The following COPG2 variants were observed in gnomAD, a reference collection of about 807,000 sequenced individuals.
COPG2 encodes coatomer subunit gamma-2.
COPG2 carries 37 observed loss-of-function variants against 46.3 expected under a neutral mutation model. The ratio of observed to expected loss-of-function variants is 0.80; its 90% CI spans 0.61 to 1.05. The LOEUF (loss-of-function observed/expected upper bound fraction) is 1.05, where lower values mean the gene tolerates loss of function less well. COPG2 is among the 50% of genes least tolerant of loss of function. COPG2 has a pLI of 0.00. For missense variants in COPG2, 427 were observed against 387.8 expected (o/e 1.10, Z -0.85); for synonymous variants, 159 against 129.7 (o/e 1.23, Z -1.53).
intron 5 of COPG2, among the ~76,000 whole-genome samples, chr7:130,630,416 G>A (rs550334741): frequency 6.6e-6 from 1 of 152,230 alleles, no homozygotes; most frequent in Admixed American, 6.5e-5. Context: ...CTGCAAATTT[G>A]CTAAGCTCAC....
At position 130,610,969 on chromosome 7, in the gene COPG2, T is replaced by C. The variant is rs1794836463; in HGVS notation, c.721A>G (p.Lys241Glu). 6.2e-7 allele frequency: 1 copy of C among 1,613,960 alleles called. No homozygotes were observed. The highest frequency in any genetic ancestry group is 1.3e-5 in the African/African-American group (1 of 75,052). The change falls in exon 9 of 24, where the codon AAA becomes GAA. Residue 241 changes from lysine to glutamate, a missense_variant. By Grantham distance (56) the Lys-to-Glu change is moderately conservative. Coordinates refer to ENST00000425248, the MANE Select transcript of COPG2 (RefSeq NM_012133.6). ...GACACTTACCCATCCTCAGTTTCTTTTAGTAAGCGACTGGCAATTCGGATC... is the reference window on the plus strand; with the variant it reads ...GACACTTACCCATCCTCAGTTTCTTCTAGTAAGCGACTGGCAATTCGGATC... The part of the protein sequence containing the change: ...MLIRIASRLL[K>E]ETEDGHESPL...
chr7:130,536,919 G>T (rs1355276698), intron 20 of COPG2, among the ~76,000 whole-genome samples: 1 of 151,990 alleles, frequency 6.6e-6, no homozygotes, highest in East Asian at 1.9e-4. Context: ...GGGGAGGGAA[G>T]GTGCAAAGGG....
chr7:130,506,909 T>A (rs1799503587), intron 23 of COPG2, 103 bp from the exon 24 acceptor site: 1 of 628,930 alleles, frequency 1.6e-6, no homozygotes, highest in African/African-American at 1.9e-5. Context: ...TTAGTTTAGT[T>A]TAGCTTTTCC....
intron 4 of COPG2, among the ~76,000 whole-genome samples, chr7:130,655,632 T>C (rs1795834707): frequency 6.6e-6 from 1 of 151,816 alleles, no homozygotes; most frequent in South Asian, 2.1e-4. Flanking sequence ...GCTTCATAAA[T>C]TCGAGCTTTC....
intron 5 of COPG2, among the ~76,000 whole-genome samples, chr7:130,622,836 C>T (rs1270071370): frequency 3.3e-5 from 5 of 152,146 alleles, no homozygotes; most frequent in Admixed American, 3.3e-4. Context: ...CTACCCCTAC[C>T]ACCACTGTCA....
At chr7:130,508,420 C>T in intron 21 of COPG2, 142 bp downstream of exon 21, 1 of 605,352 alleles carries the variant, frequency 1.7e-6, no homozygotes. Flanking sequence ...TAGTCCAGGT[C>T]CTCCTAATTT....
chr7:130,539,631 A>G (rs937865046), intron 20 of COPG2, among the ~76,000 whole-genome samples: 19 of 152,306 alleles, frequency 1.2e-4, no homozygotes, highest in African/African-American at 4.6e-4. Flanking sequence ...CCAAGGAAGC[A>G]AAGAGAAGAA....
chr7:130,637,795 A>C (rs782506422), intron 5 of COPG2, among the ~76,000 whole-genome samples: 1 of 152,178 alleles, frequency 6.6e-6, no homozygotes, highest in Non-Finnish European at 1.5e-5. Flanking sequence ...CCTTTGGAGA[A>C]GAGGCATTCT....
At chr7:130,518,720 T>G (rs1157875677) in intron 20 of COPG2, among the ~76,000 whole-genome samples, 1 of 151,972 alleles carries the variant, frequency 6.6e-6, no homozygotes, top group Non-Finnish European at 1.5e-5. Flanking sequence ...AAAGAGTGAG[T>G]AGGCTGGGCA....
chr7:130,559,637 G>A (rs1185992919), intron 12 of COPG2, among the ~76,000 whole-genome samples: 3 of 152,084 alleles, frequency 2.0e-5, no homozygotes, highest in Non-Finnish European at 4.4e-5. Context: ...CTGCTCAAGA[G>A]GTCATACGAA....
chr7:130,509,322 T>A (rs782472157), intron 20 of COPG2: 5 of 507,696 alleles, frequency 9.8e-6, no homozygotes, highest in Non-Finnish European at 1.6e-5. Context: ...GGGTACATTT[T>A]TGGAAAGTGA....
At chr7:130,523,471 A>G (rs1799744534) in intron 20 of COPG2, among the ~76,000 whole-genome samples, 1 of 152,196 alleles carries the variant, frequency 6.6e-6, no homozygotes, top group Non-Finnish European at 1.5e-5. Flanking sequence ...GGGAGGATGG[A>G]GAGCCGGGCA....
chr7:130,642,989 G>T (rs1275712289), intron 5 of COPG2, among the ~76,000 whole-genome samples: 5 of 151,872 alleles, frequency 3.3e-5, no homozygotes, highest in African/African-American at 1.2e-4. Flanking sequence ...CTGTGTGACA[G>T]AACAAGACTC....
intron 9 of COPG2, among the ~76,000 whole-genome samples, chr7:130,578,631 A>C (rs1794063930): frequency 6.6e-6 from 1 of 152,132 alleles, no homozygotes; most frequent in African/African-American, 2.4e-5. Context: ...AACTAGAATA[A>C]CCAATACAGA....
At chr7:130,647,624 G>A (rs2116223829) in intron 5 of COPG2, among the ~76,000 whole-genome samples, 1 of 151,726 alleles carries the variant, frequency 6.6e-6, no homozygotes, top group African/African-American at 2.4e-5. Flanking sequence ...GTGTATGGGA[G>A]TTTCAATTGT....
At chr7:130,621,943 C>CAAAAAA (rs562107230) in intron 5 of COPG2, among the ~76,000 whole-genome samples, 3 of 67,512 alleles carry the variant, frequency 4.4e-5, no homozygotes, top group Admixed American at 1.7e-4. Context: ...GACTCCATCT[C>CAAAAAA]AAAAAAAAAA....
rs1793467005 is a variant in COPG2, at chr7:130,547,656, CCTTCT to C, written c.2149+13_2149+17del. The C allele has an allele frequency of 2.5e-6, 1 of 398,482 alleles. No homozygotes were observed. The highest frequency in any genetic ancestry group is 4.4e-6 in the Non-Finnish European group (1 of 226,038). The allele number at this position is 398,482 out of a possible 1,614,324, so 24.7% of individuals were successfully genotyped here. ...TGCATTCTGAATCACGTATCTCCTC[CCTTCT>C]GAGGGTTAGTACCTGCTGTAGGGTC... On this transcript the variant is annotated intron_variant, in intron 20 of 23. Coordinates refer to ENST00000425248, the MANE Select transcript of COPG2 (RefSeq NM_012133.6).
intron 20 of COPG2, among the ~76,000 whole-genome samples, chr7:130,523,558 G>A (rs1044787143): frequency 5.4e-4 from 82 of 152,232 alleles, no homozygotes; most frequent in Middle Eastern, 6.8e-3. Context: ...TGTCAGGTGT[G>A]GGAACACAGT....
intron 5 of COPG2, among the ~76,000 whole-genome samples, chr7:130,647,946 G>A (rs1316258151): frequency 2.0e-5 from 3 of 151,966 alleles, no homozygotes; most frequent in Admixed American, 6.5e-5. Flanking sequence ...TAGCCAGGAC[G>A]GTCTCGATCT....
Sources: allele counts gnomAD v4.1 joint callset (sites outside exome capture counted in the v4.1 genomes callset), GRCh38; gene constraint gnomAD v4.1.1; transcripts MANE v1.5; gene names NCBI Gene and HGNC (gene_info 2026-07-23, HGNC 2026-07-21).